ATG5: variants seen among roughly 807,000 people sequenced by gnomAD.
ATG5 encodes autophagy protein 5.
ATG5 carries 14 observed loss-of-function variants against 36.5 expected under a neutral mutation model. The observed-to-expected ratio is 0.38, with a 90% CI of 0.25 to 0.60. The LOEUF is 0.60. Among genes scored for constraint, ATG5 ranks in the 20% least tolerant of loss-of-function variants. The pLI, the probability that ATG5 is intolerant of heterozygous loss-of-function variation, is 0.60. For missense variants in ATG5, 195 were observed against 326.7 expected, an observed-to-expected ratio of 0.60 and a Z score of 3.11; for synonymous variants, 95 against 101.5, an observed-to-expected ratio of 0.94 and a Z score of 0.38.
chr6:106,237,416 G>A (rs1226767556), intron 6 of ATG5, among the ~76,000 whole-genome samples: 1 of 152,052 alleles, frequency 6.6e-6, no homozygotes, highest in Non-Finnish European at 1.5e-5. Context: ...TTTATAATAT[G>A]CACATGCAGT....
At chr6:106,311,320 T>C (rs1308365351) in intron 2 of ATG5, among the ~76,000 whole-genome samples, 1 of 152,106 alleles carries the variant, frequency 6.6e-6, no homozygotes, top group African/African-American at 2.4e-5. Flanking sequence ...AGGGAGGAAG[T>C]AAAGAATGTT....
intron 4 of ATG5, among the ~76,000 whole-genome samples, chr6:106,284,938 TGTAGGCA>T: frequency 6.6e-6 from 1 of 152,328 alleles, no homozygotes; most frequent in Non-Finnish European, 1.5e-5. Flanking sequence ...TCTCCCTTTC[TGTAGGCA>T]ACCCACACAC....
At chr6:106,228,226 G>C (rs1777522465) in intron 6 of ATG5, among the ~76,000 whole-genome samples, 1 of 152,164 alleles carries the variant, frequency 6.6e-6, no homozygotes, top group Admixed American at 6.5e-5. Flanking sequence ...GTCCGTGTTT[G>C]TTACGGCTCG....
chr6:106,269,942 A>G lies in ATG5; in HGVS notation c.478+9719T>C, dbSNP rs375897501. ...CCGAGAGCGAGCAAGGGCTGTGAGG[A>G]CTGCCAGCACGCTGTCACCTCTCAT... On this transcript the variant is annotated intron_variant, in intron 5 of 7. Coordinates refer to ENST00000369076, the MANE Select transcript of ATG5 (RefSeq NM_004849.4). Among the ~76,000 whole-genome samples, 9 of 152,352 alleles carry G rather than the reference A, an allele frequency of 5.9e-5. No individual in the cohort carries two copies. The South Asian group carries it at 1.2e-3, about 21-fold the overall frequency.
chr6:106,261,847 T>C (rs1352294606), intron 5 of ATG5, among the ~76,000 whole-genome samples: 2 of 152,202 alleles, frequency 1.3e-5, no homozygotes, highest in Non-Finnish European at 2.9e-5. Context: ...GAGCGGGCAG[T>C]GTGCTACTGG....
At chr6:106,236,372 T>C (rs1316770668) in intron 6 of ATG5, among the ~76,000 whole-genome samples, 1 of 152,230 alleles carries the variant, frequency 6.6e-6, no homozygotes, top group Non-Finnish European at 1.5e-5. Flanking sequence ...GATCAGAAAG[T>C]AAGCATATGT....
chr6:106,306,385 T>C (rs1174797317), intron 3 of ATG5, among the ~76,000 whole-genome samples: 2 of 152,180 alleles, frequency 1.3e-5, no homozygotes, highest in African/African-American at 4.8e-5. Flanking sequence ...TAAATTGAGG[T>C]TTCCCAAATT....
intron 6 of ATG5, among the ~76,000 whole-genome samples, chr6:106,246,388 TCTCTCACA>T (rs1395455996): frequency 8.6e-4 from 82 of 95,550 alleles, no homozygotes; most frequent in East Asian, 8.4e-3. Context: ...TCTCTCTCTC[TCTCTCACA>T]CACACACACA....
intron 2 of ATG5, among the ~76,000 whole-genome samples, chr6:106,310,486 C>T (rs574177246): frequency 8.2e-4 from 125 of 152,036 alleles, no homozygotes; most frequent in African/African-American, 2.9e-3. Context: ...TGTCTTTTAC[C>T]TGCAGACTAT....
intron 5 of ATG5, among the ~76,000 whole-genome samples, chr6:106,259,366 G>A (rs1050055698): frequency 6.6e-6 from 1 of 152,156 alleles, no homozygotes; most frequent in Admixed American, 6.5e-5. Flanking sequence ...AATCCTAACA[G>A]TAAAAATAAG....
chr6:106,295,511 G>T (rs925368292), intron 3 of ATG5, among the ~76,000 whole-genome samples: 3 of 151,526 alleles, frequency 2.0e-5, no homozygotes, highest in South Asian at 2.1e-4. Flanking sequence ...GAATTTGTAA[G>T]CAAATTCTAA....
At chr6:106,252,571 G>A (rs1778635700) in intron 5 of ATG5, among the ~76,000 whole-genome samples, 1 of 152,086 alleles carries the variant, frequency 6.6e-6, no homozygotes, top group Non-Finnish European at 1.5e-5. Flanking sequence ...GCAGGAAAAA[G>A]TGATAACTTT....
chr6:106,222,502 T>G (rs1777288153), intron 6 of ATG5, among the ~76,000 whole-genome samples: 1 of 152,180 alleles, frequency 6.6e-6, no homozygotes, highest in Admixed American at 6.5e-5. Context: ...TTACTTTCTG[T>G]GCATGCACTT....
intron 6 of ATG5, among the ~76,000 whole-genome samples, chr6:106,220,073 C>T (rs1006845707): frequency 6.6e-6 from 1 of 152,022 alleles, no homozygotes; most frequent in Non-Finnish European, 1.5e-5. Flanking sequence ...GAAGACAGAA[C>T]ATATTCTGTA....
intron 6 of ATG5, among the ~76,000 whole-genome samples, chr6:106,228,163 T>C (rs917398366): frequency 6.6e-6 from 1 of 152,178 alleles, no homozygotes; most frequent in East Asian, 1.9e-4. Flanking sequence ...TCCCCTCCCT[T>C]TGTATGGGAG....
chr6:106,195,792 C>T (rs1776153227), intron 7 of ATG5, among the ~76,000 whole-genome samples: 1 of 142,588 alleles, frequency 7.0e-6, no homozygotes, highest in Non-Finnish European at 1.5e-5. Flanking sequence ...GGCTGCGCTG[C>T]CTCACTGCTC....
At chr6:106,245,948 T>C (rs1562234164) in intron 6 of ATG5, among the ~76,000 whole-genome samples, 2 of 151,970 alleles carry the variant, frequency 1.3e-5, no homozygotes. Flanking sequence ...CAAACAAAAA[T>C]AGAGTTCCAT....
chr6:106,196,912 T>C (rs1019331952), intron 7 of ATG5, among the ~76,000 whole-genome samples: 8 of 152,014 alleles, frequency 5.3e-5, no homozygotes, highest in African/African-American at 1.5e-4. Context: ...ATAAACAATA[T>C]AAAATTTCAA....
chr6:106,325,263 C>T (rs547283815), intron 1 of ATG5: 3 of 152,412 alleles, frequency 2.0e-5, no homozygotes, highest in Admixed American at 1.3e-4. Context: ...CGACTAGACT[C>T]TCGCTTTCCT....
Sources: gnomAD v4.1 joint callset for allele counts (sites outside exome capture counted in the v4.1 genomes callset) on GRCh38, gnomAD v4.1.1 for gene constraint, MANE v1.5 for transcripts, NCBI Gene and HGNC (gene_info 2026-07-23, HGNC 2026-07-21) for gene names.